The following AMMECR1 variants were observed in gnomAD, a reference collection of about 807,000 sequenced individuals.
AMMECR1 encodes nuclear protein AMMECR1.
A neutral mutation model predicts 22.5 loss-of-function variants in AMMECR1; 3 were observed. The observed-to-expected ratio is 0.13, with a 90% CI of 0.06 to 0.35. The LOEUF (loss-of-function observed/expected upper bound fraction) is 0.35. Ranked by LOEUF, AMMECR1 falls within the 10% of genes least tolerant of loss-of-function variation. The pLI is 1.00. For missense variants in AMMECR1, 235 were observed against 278.7 expected (o/e 0.84, Z 1.12); for synonymous variants, 130 against 116.7 (o/e 1.11, Z -0.74).
chrX:110,344,665 C>T (rs1179238514), intron 2 of AMMECR1, among the ~76,000 whole-genome samples: 3 of 111,088 alleles, frequency 2.7e-5, no homozygotes, highest in African/African-American at 9.9e-5. Flanking sequence ...ACAAACAACC[C>T]CATCAAAAAG....
chrX:110,341,442 G>A (rs2068163741), intron 2 of AMMECR1, among the ~76,000 whole-genome samples: 5 of 111,943 alleles, frequency 4.5e-5, no homozygotes, highest in African/African-American at 1.6e-4. Context: ...AGCCAACTGT[G>A]GTCCAAAAAT....
chrX:110,202,052 T>G (rs1426115387), intron 4 of AMMECR1, among the ~76,000 whole-genome samples: 1 of 111,815 alleles, frequency 8.9e-6, no homozygotes, highest in East Asian at 2.8e-4. Context: ...GGCAACCACC[T>G]AAGAATGAAA....
At chrX:110,281,479 A>G (rs1372315272) in intron 1 of AMMECR1, among the ~76,000 whole-genome samples, 1 of 112,191 alleles carries the variant, frequency 8.9e-6, no homozygotes, top group Non-Finnish European at 1.9e-5. Context: ...CATTTAAAGG[A>G]TAAATGACAA....
At chrX:110,201,500 C>G (rs1310419922) in intron 4 of AMMECR1, among the ~76,000 whole-genome samples, 6 of 111,841 alleles carry the variant, frequency 5.4e-5, no homozygotes, top group African/African-American at 1.6e-4. Flanking sequence ...ATTCTGTAAT[C>G]ATTCAAGTTT....
intron 2 of AMMECR1, among the ~76,000 whole-genome samples, chrX:110,324,276 C>T (rs752127803): frequency 9.0e-6 from 1 of 111,618 alleles, no homozygotes; most frequent in African/African-American, 3.3e-5. Context: ...GGATTACAGG[C>T]GTGAGCCACC....
At chrX:110,219,266 T>A (rs2067489187) in intron 2 of AMMECR1, 1 of 524,310 alleles carries the variant, frequency 1.9e-6, no homozygotes, top group Admixed American at 9.0e-5. Flanking sequence ...AGCAGCAATG[T>A]ATGAGTTCCA....
chrX:110,410,774 T>C (rs941854274), intron 2 of AMMECR1, among the ~76,000 whole-genome samples: 2 of 111,374 alleles, frequency 1.8e-5, no homozygotes, highest in Non-Finnish European at 3.8e-5. Flanking sequence ...GATAACCTTT[T>C]GGATCCTAGA....
intron 2 of AMMECR1, among the ~76,000 whole-genome samples, chrX:110,336,712 C>A (rs1358893386): frequency 9.1e-6 from 1 of 109,731 alleles, no homozygotes; most frequent in African/African-American, 3.3e-5. Context: ...AAAAAAAAAT[C>A]TAATATGGAG....
intron 2 of AMMECR1, among the ~76,000 whole-genome samples, chrX:110,252,558 C>CA (rs1424958345): frequency 1.2e-4 from 14 of 112,049 alleles, no homozygotes; most frequent in African/African-American, 4.5e-4. Flanking sequence ...CTCACACACA[C>CA]AAAAAATACA....
In AMMECR1 at chrX:110,196,572, A is replaced by G. The variant is rs1243386494; in HGVS notation, c.*1948T>C. Reference sequence around the variant, plus strand: ...ATGACAGGACTCAAAATCCCTTTCTAAAGCCCAACAGCTAACTTTTTCTGA... The same window carrying G: ...ATGACAGGACTCAAAATCCCTTTCTGAAGCCCAACAGCTAACTTTTTCTGA... On this transcript the variant is annotated 3_prime_UTR_variant, in exon 6 of 6. Transcript: ENST00000262844. The G allele has an allele frequency of 2.7e-5, 3 of 111,046 alleles. No homozygotes were observed. The highest frequency in any genetic ancestry group is 5.7e-5 in the Non-Finnish European group (3 of 52,952). 9.2% of individuals were successfully genotyped at this position (111,046 alleles called of 1,213,427 possible). A position where few individuals can be genotyped will look rare whatever the true frequency, so the allele number is the denominator to read the frequency against.
In AMMECR1 at chrX:110,197,117, C is replaced by T. The variant is rs1015046083; in HGVS notation, c.*1403G>A. 2 of 112,041 alleles carry T rather than the reference C, an allele frequency of 1.8e-5. No homozygotes were observed. Among genetic ancestry groups the T allele is most frequent in the African/African-American group, 6.5e-5 (2 of 30,844 alleles). 9.2% of individuals were successfully genotyped at this position (112,041 alleles called of 1,213,427 possible). A position where few individuals can be genotyped will look rare whatever the true frequency, so the allele number is the denominator to read the frequency against. On this transcript the variant is annotated 3_prime_UTR_variant, in exon 6 of 6. Coordinates refer to ENST00000262844, the MANE Select transcript of AMMECR1 (RefSeq NM_015365.3). ...CCTCCTATCGACATCAGTAAGTTAT[C>T]TTTGTATGCATCATGGGAAGACTAT...
chrX:110,268,732 G>T (rs1241376247), intron 1 of AMMECR1, among the ~76,000 whole-genome samples: 1 of 111,565 alleles, frequency 9.0e-6, no homozygotes, highest in African/African-American at 3.3e-5. Context: ...GTTCCAAAAA[G>T]GACCTAATAC....
chrX:110,334,488 A>C (rs963501913), intron 2 of AMMECR1, among the ~76,000 whole-genome samples: 20 of 112,206 alleles, frequency 1.8e-4, no homozygotes, highest in African/African-American at 6.1e-4. Context: ...AAAAGAAACC[A>C]TATTTGATAG....
intron 2 of AMMECR1, among the ~76,000 whole-genome samples, chrX:110,251,247 G>A (rs2067684821): frequency 8.9e-6 from 1 of 111,757 alleles, no homozygotes; most frequent in Non-Finnish European, 1.9e-5. Flanking sequence ...TTATAATCCA[G>A]TGTGTTAAGT....
intron 2 of AMMECR1, among the ~76,000 whole-genome samples, chrX:110,331,012 G>T (rs2068118758): frequency 9.1e-6 from 1 of 109,993 alleles, no homozygotes; most frequent in African/African-American, 3.3e-5. Context: ...GCCCTATCTT[G>T]TCCTTGTCCT....
chrX:110,333,302 A>T (rs186632579), intron 2 of AMMECR1, among the ~76,000 whole-genome samples: 126 of 111,805 alleles, frequency 1.1e-3, no homozygotes, highest in African/African-American at 4.0e-3. Flanking sequence ...CAGTTGTTAG[A>T]ATGGCGATCA....
intron 2 of AMMECR1, among the ~76,000 whole-genome samples, chrX:110,425,677 C>G (rs758635316): frequency 4.5e-5 from 5 of 112,141 alleles, no homozygotes; most frequent in Non-Finnish European, 9.4e-5. Context: ...TCACACAGCC[C>G]TACAGGAGCA....
At chrX:110,202,300 A>G (rs1480159382) in intron 4 of AMMECR1, 146 bp downstream of exon 4, 1 of 441,641 alleles carries the variant, frequency 2.3e-6, no homozygotes, top group Non-Finnish European at 3.9e-6. Context: ...TGATACAGAC[A>G]TTGCAGTGGC....
At chrX:110,282,444 T>C (rs1249244180) in intron 1 of AMMECR1, among the ~76,000 whole-genome samples, 1 of 110,680 alleles carries the variant, frequency 9.0e-6, no homozygotes, top group Admixed American at 9.6e-5. Context: ...GACTGCCTAC[T>C]TGATGAACTG....
Sources: allele counts gnomAD v4.1 joint callset (sites outside exome capture counted in the v4.1 genomes callset), GRCh38; gene constraint gnomAD v4.1.1; transcripts MANE v1.5; gene names NCBI Gene and HGNC (gene_info 2026-07-23, HGNC 2026-07-21).